The following SLC39A11 variants were observed in gnomAD, a reference collection of about 807,000 sequenced individuals.
The protein encoded by SLC39A11 is solute carrier family 39 member 11.
Under a neutral mutation model 36.1 loss-of-function variants are expected in SLC39A11, and 33 were observed. That is an observed-to-expected ratio of 0.91 (90% CI 0.69 to 1.22). The LOEUF (loss-of-function observed/expected upper bound fraction) is 1.22, where lower values mean the gene tolerates loss of function less well. SLC39A11 is among the 50% of genes most tolerant of loss of function. SLC39A11 has a pLI of 0.00. For missense variants in SLC39A11, 432 were observed against 430.3 expected (o/e 1.00, Z -0.03); for synonymous variants, 166 against 170.3 (o/e 0.97, Z 0.20).
intron 3 of SLC39A11, among the ~76,000 whole-genome samples, chr17:73,050,151 C>T (rs186122753): frequency 2.6e-5 from 4 of 151,778 alleles, no homozygotes; most frequent in Admixed American, 2.6e-4. Context: ...CAAACATGTC[C>T]GGGGGTGGAG....
intron 6 of SLC39A11, among the ~76,000 whole-genome samples, chr17:72,830,876 C>T (rs763077013): frequency 7.9e-5 from 12 of 152,264 alleles, no homozygotes; most frequent in Non-Finnish European, 1.6e-4. Context: ...CTGACTCAGT[C>T]TATCAGGTGA....
chr17:72,860,578 AG>A (rs1249599007), intron 5 of SLC39A11, among the ~76,000 whole-genome samples: 1 of 152,172 alleles, frequency 6.6e-6, no homozygotes, highest in Non-Finnish European at 1.5e-5. Context: ...TGCTGGACAA[AG>A]GCAACCAGTC....
chr17:72,762,031 G>A (rs558116700), intron 6 of SLC39A11, among the ~76,000 whole-genome samples: 51 of 152,302 alleles, frequency 3.3e-4, no homozygotes, highest in African/African-American at 1.1e-3. Context: ...ATGAGTTGGC[G>A]AAGCCTGACC....
chr17:72,734,603 G>A (rs1489667503), intron 7 of SLC39A11, among the ~76,000 whole-genome samples: 1 of 152,230 alleles, frequency 6.6e-6, no homozygotes, highest in Non-Finnish European at 1.5e-5. Context: ...GGGAAGGGAG[G>A]AGCTGAGTTG....
chr17:72,944,767 T>A (rs903266969), intron 5 of SLC39A11, among the ~76,000 whole-genome samples: 4 of 152,088 alleles, frequency 2.6e-5, no homozygotes, highest in African/African-American at 4.8e-5. Flanking sequence ...GAGGGCTAAT[T>A]AGGTAGCATC....
chr17:72,848,949 A>G (rs1175535116), intron 6 of SLC39A11, among the ~76,000 whole-genome samples: 1 of 152,242 alleles, frequency 6.6e-6, no homozygotes, highest in Non-Finnish European at 1.5e-5. Flanking sequence ...CCAAAACTTA[A>G]CTATGAATAA....
intron 6 of SLC39A11, among the ~76,000 whole-genome samples, chr17:72,786,404 A>G (rs2076516298): frequency 6.6e-6 from 1 of 152,324 alleles, no homozygotes; most frequent in East Asian, 1.9e-4. Context: ...ACCCAATTTC[A>G]AAGGCAAATG....
chr17:72,681,331 G>A (rs1364186622), intron 7 of SLC39A11, among the ~76,000 whole-genome samples: 1 of 152,186 alleles, frequency 6.6e-6, no homozygotes, highest in Non-Finnish European at 1.5e-5. Flanking sequence ...GAGCATCATA[G>A]GAGCAGCTAG....
chr17:72,976,169 CAAAAAAA>C (rs71154939), intron 4 of SLC39A11, among the ~76,000 whole-genome samples: 4 of 68,354 alleles, frequency 5.9e-5, no homozygotes, highest in African/African-American at 6.0e-5. Context: ...GACTCCATCT[CAAAAAAA>C]AAAAAAAAAA....
At chr17:72,832,784 T>C in intron 6 of SLC39A11, among the ~76,000 whole-genome samples, 1 of 152,212 alleles carries the variant, frequency 6.6e-6, no homozygotes, top group East Asian at 1.9e-4. Context: ...ATTAAATACA[T>C]AATTAATGTG....
At chr17:73,062,980 T>C (rs1202293286) in intron 3 of SLC39A11, among the ~76,000 whole-genome samples, 1 of 152,126 alleles carries the variant, frequency 6.6e-6, no homozygotes, top group East Asian at 1.9e-4. Flanking sequence ...GCCACTCACC[T>C]CCTGCTGTGT....
chr17:72,951,261 C>CAAAAAAAAAAAAAAAAAAA (rs61453793), intron 4 of SLC39A11, among the ~76,000 whole-genome samples: 1 of 86,994 alleles, frequency 1.1e-5, no homozygotes, highest in Admixed American at 1.3e-4. Flanking sequence ...GACCCTGTTG[C>CAAAAAAAAAAAAAAAAAAA]AAAAAAAAAA....
intron 6 of SLC39A11, among the ~76,000 whole-genome samples, chr17:72,821,117 G>A (rs1375392053): frequency 1.3e-5 from 2 of 150,800 alleles, no homozygotes; most frequent in Admixed American, 6.6e-5. Context: ...TTGGAAACTG[G>A]GTGGTTCGCA....
At chr17:72,768,711 C>A (rs1254245420) in intron 6 of SLC39A11, among the ~76,000 whole-genome samples, 1 of 152,094 alleles carries the variant, frequency 6.6e-6, no homozygotes, top group African/African-American at 2.4e-5. Context: ...TAACCAGGTG[C>A]AAATGAGCAA....
In SLC39A11 at chr17:72,882,802, T is replaced by C. The variant is rs943034278; in HGVS notation, c.431-32998A>G. Among the ~76,000 whole-genome samples, 13 of 146,992 alleles carry C rather than the reference T, an allele frequency of 8.8e-5. 1 individual carries two copies. The highest frequency in any genetic ancestry group is 8.8e-4 in the Admixed American group (13 of 14,798). On this transcript the variant is annotated intron_variant, in intron 5 of 9. Coordinates refer to ENST00000255559, the MANE Select transcript of SLC39A11 (RefSeq NM_139177.4). ...TTGAGGGAGAGAGAATGCTTCTTTT[T>C]TTTTTTTTTTTTGAGATGGAGTCTC...
intron 3 of SLC39A11, among the ~76,000 whole-genome samples, chr17:73,054,212 A>T (rs904820424): frequency 3.3e-5 from 5 of 152,016 alleles, no homozygotes; most frequent in Admixed American, 6.6e-5. Flanking sequence ...AAATACAAAA[A>T]TTAGCTGGGT....
intron 6 of SLC39A11, among the ~76,000 whole-genome samples, chr17:72,815,310 C>T (rs80034154): frequency 0.014 from 2,118 of 152,294 alleles, 48 homozygotes; most frequent in African/African-American, 0.048. Context: ...CCTACAGACT[C>T]GGAAAGCTCC....
chr17:72,815,058 C>T (rs974670283), intron 6 of SLC39A11, among the ~76,000 whole-genome samples: 1 of 152,164 alleles, frequency 6.6e-6, no homozygotes, highest in African/African-American at 2.4e-5. Context: ...TGCAGGCTGC[C>T]AAGGCTAAAG....
intron 5 of SLC39A11, among the ~76,000 whole-genome samples, chr17:72,874,969 G>A (rs2080819554): frequency 6.6e-6 from 1 of 152,124 alleles, no homozygotes; most frequent in Non-Finnish European, 1.5e-5. Flanking sequence ...AGTGGCTGCA[G>A]GTTGAATAAA....
Sources: allele counts gnomAD v4.1 joint callset (sites outside exome capture counted in the v4.1 genomes callset), GRCh38; gene constraint gnomAD v4.1.1; transcripts MANE v1.5; gene names NCBI Gene and HGNC (gene_info 2026-07-23, HGNC 2026-07-21).